Variants in SLC30A10 observed in about 807,000 individuals in gnomAD.
SLC30A10 encodes the protein solute carrier family 30 member 10, also known as calcium/manganese antiporter SLC30A10.
In SLC30A10, 8 loss-of-function variants were observed where a neutral mutation model predicts 21.7. The ratio of observed to expected loss-of-function variants is 0.37; its 90% CI spans 0.22 to 0.67. The LOEUF (loss-of-function observed/expected upper bound fraction) is 0.67, where lower values mean the gene tolerates loss of function less well. Among genes scored for constraint, SLC30A10 ranks in the 30% least tolerant of loss-of-function variants. SLC30A10 has a pLI of 0.58. For missense variants in SLC30A10, 521 were observed against 642.5 expected (o/e 0.81, Z 2.04); for synonymous variants, 272 against 279.4 (o/e 0.97, Z 0.26).
intron 2 of SLC30A10, among the ~76,000 whole-genome samples, chr1:219,925,256 G>A (rs1776053): frequency 0.015 from 2,212 of 152,162 alleles, 50 homozygotes; most frequent in African/African-American, 0.048. Flanking sequence ...ATAGTTGGCC[G>A]GGTGCAGTGG....
At chr1:219,948,146 T>A (rs866208078) in intron 1 of SLC30A10, among the ~76,000 whole-genome samples, 4 of 151,308 alleles carry the variant, frequency 2.6e-5, no homozygotes, top group Non-Finnish European at 5.9e-5. Context: ...TCCATGCTCA[T>A]GGGTAGGAAG....
intron 1 of SLC30A10, among the ~76,000 whole-genome samples, chr1:219,949,343 A>T (rs1368560331): frequency 6.6e-6 from 1 of 152,096 alleles, no homozygotes; most frequent in Non-Finnish European, 1.5e-5. Context: ...AATAGCAAAG[A>T]CTTGGAACCA....
At chr1:219,924,737 C>T (rs2102531729) in intron 2 of SLC30A10, among the ~76,000 whole-genome samples, 1 of 152,250 alleles carries the variant, frequency 6.6e-6, no homozygotes, top group Non-Finnish European at 1.5e-5. Context: ...ATGAATGGTA[C>T]CAGGGACAAA....
rs1407913584 is a variant in SLC30A10 at position 219,918,385 on chromosome 1, C to T, written c.828G>A (p.Gln276=). The T allele has an allele frequency of 6.2e-7, 1 of 1,614,120 alleles. No homozygotes were observed. Reference sequence around the variant, plus strand: ...CAGTCAGGCTGGGGTCAATGTAACACTGCCAGTTACACGGGTCCTCACTCT... The same window carrying T: ...CAGTCAGGCTGGGGTCAATGTAACATTGCCAGTTACACGGGTCCTCACTCT... ...PLKSEDPCNW[Q]CYIDPSLTVL... The change falls in exon 3 of 4, where the codon CAG becomes CAA. Residue 276 remains glutamine (Q), a synonymous_variant. Coordinates refer to ENST00000366926, the MANE Select transcript of SLC30A10 (RefSeq NM_018713.3). The surrounding 1 kb of genome is among the most constrained non-coding windows in gnomAD (Gnocchi z 4.4).
intron 2 of SLC30A10, among the ~76,000 whole-genome samples, chr1:219,922,628 G>A (rs1558252328): frequency 6.6e-6 from 1 of 152,092 alleles, no homozygotes. Context: ...CCTCTTTGAG[G>A]AGCAAGATTC....
At position 219,911,104 on chromosome 1, in the gene SLC30A10, C is replaced by T. The variant is rs1659397893; in HGVS notation, c.*4345G>A. Among the ~76,000 whole-genome samples the T allele has an allele frequency of 8.1e-6, 1 of 122,970 alleles. No homozygotes were observed. The highest frequency in any genetic ancestry group is 2.8e-5 in the African/African-American group (1 of 35,220). 80.7% of individuals were successfully genotyped at this position (122,970 alleles called of 152,430 possible). A position where few individuals can be genotyped will look rare whatever the true frequency, so the allele number is the denominator to read the frequency against. Reference sequence around the variant, plus strand: ...TGCAGTCCGCGATCATTCATCCAAACTCAAAATTCAAATCAGGTCATGTTT... The same window carrying T: ...TGCAGTCCGCGATCATTCATCCAAATTCAAAATTCAAATCAGGTCATGTTT... On this transcript the variant is annotated 3_prime_UTR_variant, in exon 4 of 4. Transcript: ENST00000366926.
intron 1 of SLC30A10, among the ~76,000 whole-genome samples, chr1:219,955,647 C>T (rs1393675848): frequency 6.6e-6 from 1 of 152,086 alleles, no homozygotes; most frequent in Non-Finnish European, 1.5e-5. Context: ...TCAATTTCTA[C>T]ACCAGATAGA....
chr1:219,943,597 G>A (rs540743645), intron 1 of SLC30A10, among the ~76,000 whole-genome samples: 3 of 152,182 alleles, frequency 2.0e-5, no homozygotes, highest in Admixed American at 6.5e-5. Context: ...TAACCTGAGT[G>A]TAAAAAAGAC....
In SLC30A10 at chr1:219,912,732, G is replaced by C. The variant is rs1037033753; in HGVS notation, c.*2717C>G. Reference sequence around the variant, plus strand: ...ACCTGTAATCCCAGCTACTCGGGAGGCTGAGGCAGGAGAATGGCGTGAACC... The same window carrying C: ...ACCTGTAATCCCAGCTACTCGGGAGCCTGAGGCAGGAGAATGGCGTGAACC... On this transcript the variant is annotated 3_prime_UTR_variant, in exon 4 of 4. Transcript: ENST00000366926. 6.6e-6 allele frequency among the ~76,000 whole-genome samples: 1 copy of C among 152,100 alleles called. No individual in the cohort carries two copies. The highest frequency in any genetic ancestry group is 2.4e-5 in the African/African-American group (1 of 41,422).
upstream of SLC30A10, among the ~76,000 whole-genome samples, chr1:219,930,214 G>A (rs1367573119): frequency 6.6e-6 from 1 of 150,484 alleles, no homozygotes; most frequent in African/African-American, 2.4e-5. Flanking sequence ...GCTTACACCT[G>A]TAATTTCAAC....
chr1:219,926,728 A>G (rs7525274), intron 2 of SLC30A10, among the ~76,000 whole-genome samples: 129,439 of 152,276 alleles, frequency 0.85, 55,430 homozygotes, highest in African/African-American at 0.96. Context: ...TGCATGATTT[A>G]TTAGCAATAT....
Position 219,915,839 on chromosome 1 carries a change from G to A in SLC30A10, c.1068C>T (p.Asp356=), listed in dbSNP as rs886046001. 10 of 1,614,222 alleles carry A rather than the reference G, an allele frequency of 6.2e-6. No individual in the cohort carries two copies. In the East Asian group the frequency reaches 2.0e-4, roughly 32 times the overall value. Residue 356 remains aspartate, a synonymous_variant, in exon 4 of 4, where the codon GAC becomes GAT. Coordinates refer to ENST00000366926, the MANE Select transcript of SLC30A10 (RefSeq NM_018713.3). ...TTGTGCTGGCATCTTGATATCCCCT[G>A]TCCTTAGGATACTTGATGTGCAGGG... ...IATLHIKYPK[D]RGYQDASTKI...
At chr1:219,917,116 A>T in intron 3 of SLC30A10, among the ~76,000 whole-genome samples, 1 of 151,348 alleles carries the variant, frequency 6.6e-6, no homozygotes, top group East Asian at 1.9e-4. Context: ...GACCACAGGC[A>T]CACACTACAA....
chr1:219,935,349 A>C (rs894093277), intron 1 of SLC30A10, among the ~76,000 whole-genome samples: 1 of 152,228 alleles, frequency 6.6e-6, no homozygotes, highest in African/African-American at 2.4e-5. Context: ...CTATATGAAC[A>C]TGAAAAAAGC....
chr1:219,916,997 G>T (rs1571790477), intron 3 of SLC30A10, among the ~76,000 whole-genome samples: 2 of 142,618 alleles, frequency 1.4e-5, no homozygotes, highest in East Asian at 4.1e-4. Flanking sequence ...TAGAGACAGA[G>T]TCTTGCCCTG....
intron 1 of SLC30A10, among the ~76,000 whole-genome samples, chr1:219,954,680 C>CAAAAA (rs11325622): frequency 6.7e-5 from 6 of 89,148 alleles, no homozygotes; most frequent in Admixed American, 3.2e-4. Flanking sequence ...GACTCCATCT[C>CAAAAA]AAAAAAAAAA....
At chr1:219,920,538 G>A (rs1045534390) in intron 2 of SLC30A10, among the ~76,000 whole-genome samples, 11 of 152,098 alleles carry the variant, frequency 7.2e-5, no homozygotes, top group African/African-American at 2.7e-4. Context: ...AGCAATGTAG[G>A]CATTCAATAA....
chr1:219,944,744 A>G (rs550265440), intron 1 of SLC30A10, among the ~76,000 whole-genome samples: 13 of 152,364 alleles, frequency 8.5e-5, no homozygotes, highest in Admixed American at 4.6e-4. Flanking sequence ...AGACATACTC[A>G]AAAGCACTAC....
At chr1:219,920,811 G>T (rs568147117) in intron 2 of SLC30A10, among the ~76,000 whole-genome samples, 3 of 152,284 alleles carry the variant, frequency 2.0e-5, no homozygotes, top group South Asian at 2.1e-4. Context: ...CCTGAGCTAC[G>T]TGACAGGCAG....
Sources: allele counts gnomAD v4.1 joint callset (sites outside exome capture counted in the v4.1 genomes callset), GRCh38; gene constraint gnomAD v4.1.1; non-coding constraint Gnocchi (gnomAD v3.1); transcripts MANE v1.5; gene names NCBI Gene and HGNC (gene_info 2026-07-23, HGNC 2026-07-21).